The following VEPH1 variants were observed in gnomAD, a reference collection of about 807,000 sequenced individuals.
VEPH1 encodes the protein ventricular zone expressed PH domain containing 1.
VEPH1 carries 80 observed loss-of-function variants against 85.2 expected under a neutral mutation model. That is an observed-to-expected ratio of 0.94 (90% CI 0.78 to 1.13). The LOEUF is 1.13. VEPH1 is among the 50% of genes most tolerant of loss of function. VEPH1 has a pLI of 0.00. For synonymous variants in VEPH1, 297 were observed against 348.0 expected (o/e 0.85, Z 1.63); for missense variants, 955 against 980.5 (o/e 0.97, Z 0.35).
chr3:157,469,775 C>A (rs1340466552), intron 3 of VEPH1, among the ~76,000 whole-genome samples: 1 of 152,186 alleles, frequency 6.6e-6, no homozygotes, highest in African/African-American at 2.4e-5. Flanking sequence ...TTACACAACT[C>A]ATTAGCGGCT....
chr3:157,395,342 G>A (rs1314283149), intron 6 of VEPH1, among the ~76,000 whole-genome samples: 1 of 152,200 alleles, frequency 6.6e-6, no homozygotes, highest in African/African-American at 2.4e-5. Flanking sequence ...AACACCCCAA[G>A]GAACAGTGCC....
In VEPH1 at chr3:157,340,380, G is replaced by A. The variant is rs996405453; in HGVS notation, c.1735+22984C>T. 5.3e-5 allele frequency among the ~76,000 whole-genome samples: 8 copies of A among 152,178 alleles called. No homozygotes were observed. The East Asian group carries it at 5.8e-4, about 11-fold the overall frequency. ...ACGGCACACCAGGAGATTATATCCC[G>A]CACCTGGCTCAGAGGGTCCCATGCC... On this transcript the variant is annotated intron_variant, in intron 9 of 13. Transcript: ENST00000362010.
At chr3:157,489,751 G>A (rs1475696410) in intron 2 of VEPH1, among the ~76,000 whole-genome samples, 1 of 150,896 alleles carries the variant, frequency 6.6e-6, no homozygotes, top group Non-Finnish European at 1.5e-5. Flanking sequence ...TTCTATCCTA[G>A]CATCCAGTAC....
At chr3:157,351,220 C>A (rs1031571909) in intron 9 of VEPH1, among the ~76,000 whole-genome samples, 1 of 151,826 alleles carries the variant, frequency 6.6e-6, no homozygotes, top group Non-Finnish European at 1.5e-5. Flanking sequence ...CCAAGGTGGG[C>A]AGATCACCTG....
At chr3:157,292,286 A>T (rs774832707) in intron 11 of VEPH1, among the ~76,000 whole-genome samples, 1 of 152,188 alleles carries the variant, frequency 6.6e-6, no homozygotes, top group Non-Finnish European at 1.5e-5. Context: ...CTGTAAAATT[A>T]ATCCTATGTC....
chr3:157,392,531 C>T (rs1281942457), intron 6 of VEPH1, among the ~76,000 whole-genome samples: 1 of 152,100 alleles, frequency 6.6e-6, no homozygotes, highest in East Asian at 1.9e-4. Context: ...GGTGTACAAT[C>T]ATTTGGCTTC....
chr3:157,281,710 G>A (rs1051098049), intron 12 of VEPH1, among the ~76,000 whole-genome samples: 91 of 151,954 alleles, frequency 6.0e-4, no homozygotes, highest in African/African-American at 2.1e-3. Context: ...GCTAATTTTT[G>A]TATTTTTAGT....
intron 11 of VEPH1, among the ~76,000 whole-genome samples, chr3:157,289,439 T>C (rs1717201170): frequency 6.6e-6 from 1 of 152,226 alleles, no homozygotes; most frequent in Non-Finnish European, 1.5e-5. Flanking sequence ...GGTGTTGTGC[T>C]AAAGGATATC....
intron 6 of VEPH1, among the ~76,000 whole-genome samples, chr3:157,413,032 T>A (rs1173029862): frequency 6.6e-6 from 1 of 152,178 alleles, no homozygotes; most frequent in Admixed American, 6.5e-5. Flanking sequence ...TTGAACTCAA[T>A]GAACTATGAA....
At chr3:157,406,318 A>G (rs1731137474) in intron 6 of VEPH1, among the ~76,000 whole-genome samples, 1 of 152,168 alleles carries the variant, frequency 6.6e-6, no homozygotes. Flanking sequence ...GATTTTTTTT[A>G]GTCTTGATTT....
At chr3:157,421,881 A>C (rs552223766) in intron 5 of VEPH1, among the ~76,000 whole-genome samples, 1 of 151,800 alleles carries the variant, frequency 6.6e-6, no homozygotes, top group East Asian at 1.9e-4. Context: ...CATCCACATC[A>C]CTCTAGGTGC....
chr3:157,272,377 T>TTCTTTC, intron 12 of VEPH1, among the ~76,000 whole-genome samples: 1 of 80,170 alleles, frequency 1.2e-5, no homozygotes, highest in Non-Finnish European at 2.5e-5. Flanking sequence ...TCTCTTTCTT[T>TTCTTTC]TCTTTCTTTC....
intron 4 of VEPH1, chr3:157,437,179 A>T (rs927522387): frequency 1.8e-5 from 25 of 1,374,248 alleles, no homozygotes; most frequent in Non-Finnish European, 2.4e-5. Context: ...ATAGCTTGTT[A>T]TGCAAAAGTG....
At chr3:157,493,239 T>C (rs1354780448) in intron 2 of VEPH1, 3 of 456,198 alleles carry the variant, frequency 6.6e-6, no homozygotes, top group Non-Finnish European at 1.3e-5. Context: ...TCAGCAATCT[T>C]CTGTGCTGGA....
At chr3:157,426,554 T>C (rs1732769373) in intron 5 of VEPH1, among the ~76,000 whole-genome samples, 1 of 152,222 alleles carries the variant, frequency 6.6e-6, no homozygotes, top group Non-Finnish European at 1.5e-5. Context: ...GTGGTTTGGG[T>C]GTTCTATTAC....
intron 7 of VEPH1, among the ~76,000 whole-genome samples, chr3:157,375,774 G>A (rs779608491): frequency 2.4e-4 from 36 of 151,690 alleles, no homozygotes; most frequent in Non-Finnish European, 4.1e-4. Context: ...CTATAATTTC[G>A]CTTTCATTAT....
Position 157,286,640 on chromosome 3 carries a change from A to T in VEPH1, c.2045T>A (p.Val682Glu), listed in dbSNP as rs763990830. ...GAAGCCAAACACGTCAAAGAACCTCACTTCTTCCAGATGGAGCTGTACCTG... is the reference window on the plus strand; with the variant it reads ...GAAGCCAAACACGTCAAAGAACCTCTCTTCTTCCAGATGGAGCTGTACCTG... The part of the protein sequence containing the change: ...LDQVQLHLEE[V>E]RFFDVFGFSE... The change falls in exon 12 of 14, where the codon GTG becomes GAG. Residue 682 changes from valine (V) to glutamate (E), a missense_variant. Physicochemically the swap from Val to Glu is moderately radical, Grantham distance 121 (BLOSUM62 -2). Transcript: ENST00000362010. The T allele has an allele frequency of 6.2e-7, 1 of 1,614,064 alleles. No individual in the cohort carries two copies. Among genetic ancestry groups the T allele is most frequent in the Non-Finnish European group, 8.5e-7 (1 of 1,179,944 alleles).
intron 11 of VEPH1, among the ~76,000 whole-genome samples, chr3:157,287,263 T>C (rs1716898012): frequency 6.6e-6 from 1 of 152,004 alleles, no homozygotes. Context: ...TGGTCCCAGC[T>C]ACTCAGGAGG....
chr3:157,377,240 G>A (rs942909592), intron 7 of VEPH1, among the ~76,000 whole-genome samples: 7 of 151,644 alleles, frequency 4.6e-5, no homozygotes, highest in African/African-American at 1.7e-4. Context: ...GGTAGGAGGT[G>A]AGTGGTGACC....
Sources: allele counts gnomAD v4.1 joint callset (sites outside exome capture counted in the v4.1 genomes callset), GRCh38; gene constraint gnomAD v4.1.1; transcripts MANE v1.5; gene names NCBI Gene and HGNC (gene_info 2026-07-23, HGNC 2026-07-21).